The following STON2 variants were observed in gnomAD, a reference collection of about 807,000 sequenced individuals.
The protein encoded by STON2 is stonin-2.
A neutral mutation model predicts 65.7 loss-of-function variants in STON2; 29 were observed. That is an observed-to-expected ratio of 0.44 (90% CI 0.33 to 0.60). The LOEUF (loss-of-function observed/expected upper bound fraction) is 0.60. Ranked by LOEUF, STON2 falls within the 20% of genes least tolerant of loss-of-function variation. STON2 has a pLI of 0.03. For missense variants in STON2, 1,054 were observed against 1,118.1 expected, an observed-to-expected ratio of 0.94 and a Z score of 0.82; for synonymous variants, 404 against 414.2, an observed-to-expected ratio of 0.98 and a Z score of 0.30.
chr14:81,264,451 A>G lies in STON2; in HGVS notation c.*3963T>C. On this transcript the variant is annotated 3_prime_UTR_variant, in exon 8 of 8. Transcript: ENST00000614646. Reference sequence around the variant, plus strand: ...ATACATACTCATTTTCCTTTATTTCATGAGTATACGTTTGCCCTCCTGGCA... The same window carrying G: ...ATACATACTCATTTTCCTTTATTTCGTGAGTATACGTTTGCCCTCCTGGCA... 2 of 985,430 alleles carry G rather than the reference A, an allele frequency of 2.0e-6. No homozygotes were observed. Among genetic ancestry groups the G allele is most frequent in the South Asian group, 4.7e-5 (1 of 21,284 alleles). 61.0% of individuals were successfully genotyped at this position (985,430 alleles called of 1,614,324 possible).
rs528383532 is a variant in STON2 at position 81,263,767 on chromosome 14, A to G, written c.*4647T>C. The G allele has an allele frequency of 6.6e-5, 65 of 985,366 alleles. No homozygotes were observed. In the South Asian group the frequency reaches 2.8e-3, roughly 42 times the overall value. 61.0% of individuals were successfully genotyped at this position (985,366 alleles called of 1,614,324 possible). A position where few individuals can be genotyped will look rare whatever the true frequency, so the allele number is the denominator to read the frequency against. On this transcript the variant is annotated 3_prime_UTR_variant, in exon 8 of 8. Transcript: ENST00000614646. ...AGTTAAAGTTACCACTCGAACTGGG[A>G]GCATTTCTATAAGCAGGCTGGATGG...
intron 4 of STON2, among the ~76,000 whole-genome samples, chr14:81,328,885 G>A (rs999283522): frequency 6.6e-6 from 1 of 152,164 alleles, no homozygotes; most frequent in African/African-American, 2.4e-5. Context: ...CCCACCATGA[G>A]TGGAAGCAGC....
intron 1 of STON2, among the ~76,000 whole-genome samples, 155 bp downstream of exon 1, chr14:81,400,124 C>G (rs969497603): frequency 1.3e-5 from 2 of 152,090 alleles, no homozygotes; most frequent in Non-Finnish European, 2.9e-5. Flanking sequence ...GGGAAACTCC[C>G]CATGTGAAAG....
chr14:81,281,627 AATCTT>A (rs1409236861), intron 5 of STON2, among the ~76,000 whole-genome samples: 3 of 152,200 alleles, frequency 2.0e-5, no homozygotes, highest in Non-Finnish European at 2.9e-5. Flanking sequence ...TTCTGTTGGG[AATCTT>A]GTCCTCAAAA....
At chr14:81,390,189 A>C (rs1249374191) in intron 3 of STON2, among the ~76,000 whole-genome samples, 2 of 149,640 alleles carry the variant, frequency 1.3e-5, no homozygotes, top group Non-Finnish European at 3.0e-5. Flanking sequence ...GTGAGACTCC[A>C]TTTCAAAAAA....
intron 3 of STON2, among the ~76,000 whole-genome samples, chr14:81,386,039 T>G (rs752184803): frequency 7.9e-5 from 12 of 152,066 alleles, no homozygotes; most frequent in Non-Finnish European, 1.5e-4. Context: ...TGAACTGGCC[T>G]GGAACGGCGA....
chr14:81,276,831 A>T (rs1220872860), intron 6 of STON2, 70 bp downstream of exon 6: 32 of 1,529,942 alleles, frequency 2.1e-5, no homozygotes, highest in Non-Finnish European at 8.9e-7. Flanking sequence ...TTCATACAGG[A>T]TGTGGAACTT....
At chr14:81,286,261 A>T (rs1895329420) in intron 5 of STON2, among the ~76,000 whole-genome samples, 1 of 152,224 alleles carries the variant, frequency 6.6e-6, no homozygotes, top group Admixed American at 6.5e-5. Context: ...CCAATTCTGA[A>T]AGATGTTCTA....
Position 81,278,188 on chromosome 14 carries a change from T to C in STON2, c.1294A>G (p.Thr432Ala). The C allele has an allele frequency of 6.2e-7, 1 of 1,613,784 alleles. No individual in the cohort carries two copies. Among genetic ancestry groups the C allele is most frequent in the Non-Finnish European group, 8.5e-7 (1 of 1,179,936 alleles). Residue 432 changes from threonine (T) to alanine (A), a missense_variant, in exon 6 of 8, where the codon ACC becomes GCC. Transcript: ENST00000614646. ...DAISFDDSSKTQSHSDAVEKL... is the reference protein window; with the variant it reads ...DAISFDDSSKAQSHSDAVEKL... ...TCAACAGCATCAGAGTGTGACTGGG[T>C]TTTGCTTGAATCATCAAAACTGATG... is the stretch of plus-strand genomic sequence containing the variant.
At chr14:81,298,870 A>C (rs1895866094) in intron 5 of STON2, among the ~76,000 whole-genome samples, 1 of 152,244 alleles carries the variant, frequency 6.6e-6, no homozygotes, top group Non-Finnish European at 1.5e-5. Context: ...AAGTGTATTA[A>C]TCTGTAATCT....
intron 5 of STON2, among the ~76,000 whole-genome samples, chr14:81,307,329 T>A (rs1205493343): frequency 1.3e-5 from 2 of 152,166 alleles, no homozygotes; most frequent in African/African-American, 4.8e-5. Context: ...CAGTAGAAAA[T>A]CTTCATTCCT....
At position 81,262,279 on chromosome 14, in the gene STON2, T is replaced by C. The variant is rs1230840130; in HGVS notation, c.*6135A>G. ...TCCCCTTAATAAATCCATTATGGCA[T>C]GCCTATGAGTGACTTTAAATAAACA... On this transcript the variant is annotated 3_prime_UTR_variant, in exon 8 of 8. Transcript: ENST00000614646. 3.0e-6 allele frequency: 3 copies of C among 985,488 alleles called. No individual in the cohort carries two copies. Among genetic ancestry groups the C allele is most frequent in the African/African-American group, 3.5e-5 (2 of 57,382 alleles). 61.0% of individuals were successfully genotyped at this position (985,488 alleles called of 1,614,324 possible).
chr14:81,262,815 T>C lies in STON2; in HGVS notation c.*5599A>G. On this transcript the variant is annotated 3_prime_UTR_variant, in exon 8 of 8. Transcript: ENST00000614646. ...TTCTAGTTAATACATGGGAGAATAT[T>C]ACTAATACATACATTTGTTTTCTAC... 1 of 985,332 alleles carries C rather than the reference T, an allele frequency of 1.0e-6. No homozygotes were observed. Among genetic ancestry groups the C allele is most frequent in the Non-Finnish European group, 1.2e-6 (1 of 829,808 alleles). 61.0% of individuals were successfully genotyped at this position (985,332 alleles called of 1,614,324 possible).
intron 5 of STON2, among the ~76,000 whole-genome samples, chr14:81,310,952 T>C (rs1333333425): frequency 6.6e-6 from 1 of 152,174 alleles, no homozygotes; most frequent in African/African-American, 2.4e-5. Flanking sequence ...TTGAGGACTA[T>C]GTCTCTGTCT....
chr14:81,434,313 A>C (rs74368319), intron 1 of STON2, among the ~76,000 whole-genome samples: 9,342 of 152,218 alleles, frequency 0.061, 485 homozygotes, highest in African/African-American at 0.14. Flanking sequence ...TGAACTCAGA[A>C]GTCTTTGCCC....
chr14:81,314,026 G>A (rs1407264079), intron 5 of STON2, among the ~76,000 whole-genome samples: 2 of 152,310 alleles, frequency 1.3e-5, no homozygotes, highest in African/African-American at 4.8e-5. Flanking sequence ...AGAAGTAAGC[G>A]ACAGAGCCTT....
At chr14:81,272,337 G>C (rs949960411) in intron 6 of STON2, among the ~76,000 whole-genome samples, 1 of 152,236 alleles carries the variant, frequency 6.6e-6, no homozygotes, top group African/African-American at 2.4e-5. Context: ...TTTGCAGGGT[G>C]ACAGGGGTAG....
In STON2 at chr14:81,262,695, A is replaced by C; in HGVS notation, c.*5719T>G. 1.0e-6 allele frequency: 1 copy of C among 985,424 alleles called. No individual in the cohort carries two copies. Among genetic ancestry groups the C allele is most frequent in the Non-Finnish European group, 1.2e-6 (1 of 829,938 alleles). The allele number at this position is 985,424 out of a possible 1,614,324, so 61.0% of individuals were successfully genotyped here. ...ACAGGCTTAGAATTGACAAATTGAGAGACACATTTTTTTTTCAATTCTCAA... is the reference window on the plus strand; with the variant it reads ...ACAGGCTTAGAATTGACAAATTGAGCGACACATTTTTTTTTCAATTCTCAA... On this transcript the variant is annotated 3_prime_UTR_variant, in exon 8 of 8. Transcript: ENST00000614646.
rs1451714182 is a variant in STON2, at chr14:81,356,212, C to T, written c.571+14776G>A. Among the ~76,000 whole-genome samples, 9 of 152,252 alleles carry T rather than the reference C, an allele frequency of 5.9e-5. No individual in the cohort carries two copies. In the East Asian group the frequency reaches 1.7e-3, roughly 29 times the overall value. On this transcript the variant is annotated intron_variant, in intron 4 of 7. Coordinates refer to ENST00000614646, the MANE Select transcript of STON2 (RefSeq NM_001394390.1). Reference sequence around the variant, plus strand: ...TACCTAATTTATTGAGAGTTTTTAGCATGAAGCGTTGTTGAATTTTGTCAA... The same window carrying T: ...TACCTAATTTATTGAGAGTTTTTAGTATGAAGCGTTGTTGAATTTTGTCAA...
Sources: gnomAD v4.1 joint callset for allele counts (sites outside exome capture counted in the v4.1 genomes callset) on GRCh38, gnomAD v4.1.1 for gene constraint, MANE v1.5 for transcripts, NCBI Gene and HGNC (gene_info 2026-07-23, HGNC 2026-07-21) for gene names.